The following EXOC2 variants were observed in gnomAD, a reference collection of about 807,000 sequenced individuals.
The protein encoded by EXOC2 is SEC5-like 1.
EXOC2 carries 70 observed loss-of-function variants against 131.8 expected under a neutral mutation model. The observed-to-expected ratio is 0.53, with a 90% confidence interval of 0.44 to 0.65. EXOC2 has a LOEUF of 0.65. Ranked by LOEUF, EXOC2 falls within the 30% of genes least tolerant of loss-of-function variation. The pLI is 0.00. For missense variants in EXOC2, 923 were observed against 1,108.6 expected (o/e 0.83, Z 2.38); for synonymous variants, 411 against 398.4 (o/e 1.03, Z -0.38).
chr6:683,277 ATC>A (rs1380626621), intron 1 of EXOC2, among the ~76,000 whole-genome samples: 1 of 152,270 alleles, frequency 6.6e-6, no homozygotes, highest in African/African-American at 2.4e-5. Context: ...CCCAAGTGAT[ATC>A]AAGAGTCTAC....
intron 26 of EXOC2, 26 bp from the exon 27 acceptor site, chr6:489,064 G>GT: frequency 6.2e-7 from 1 of 1,612,968 alleles, no homozygotes; most frequent in Non-Finnish European, 8.5e-7. Context: ...CCACACTGAA[G>GT]TTGAAGCCTT....
chr6:491,834 A>G (rs1288744135), intron 25 of EXOC2, among the ~76,000 whole-genome samples: 1 of 152,248 alleles, frequency 6.6e-6, no homozygotes, highest in African/African-American at 2.4e-5. Context: ...CCAAAGCTAA[A>G]ATATATTTAA....
chr6:504,055 C>T (rs142901292), intron 23 of EXOC2, among the ~76,000 whole-genome samples: 87 of 152,328 alleles, frequency 5.7e-4, no homozygotes, highest in African/African-American at 8.4e-4. Flanking sequence ...TGGGGTGGCC[C>T]GGCTCGCTGG....
intron 16 of EXOC2, among the ~76,000 whole-genome samples, chr6:563,104 A>C (rs1357504400): frequency 6.6e-6 from 1 of 152,240 alleles, no homozygotes; most frequent in Non-Finnish European, 1.5e-5. Context: ...CGTTGGATTT[A>C]ATGACAACTT....
Position 576,797 on chromosome 6 carries a change from G to A in EXOC2, c.1278C>T (p.Ser426=), listed in dbSNP as rs1246303673. The A allele has an allele frequency of 1.2e-6, 2 of 1,613,950 alleles. No homozygotes were observed. The highest frequency in any genetic ancestry group is 1.7e-5 in the Admixed American group (1 of 59,998). The change falls in exon 12 of 28, where the codon TCC becomes TCT. Residue 426 remains serine, a synonymous_variant. Transcript: ENST00000230449. ...SVLGHLSQTA[S]LKRGSSFQSG... ...ACTGAAAGCTGCTGCCCCTCTTCAG[G>A]GACGCTGTCTGACTGAGATGGCCCA... is the stretch of plus-strand genomic sequence containing the variant.
intron 1 of EXOC2, among the ~76,000 whole-genome samples, chr6:651,953 G>T (rs1184535257): frequency 6.6e-6 from 1 of 151,112 alleles, no homozygotes; most frequent in African/African-American, 2.4e-5. Context: ...CTACTCAGGA[G>T]ACTGAGGCAG....
chr6:563,890 G>T, intron 16 of EXOC2, 143 bp downstream of exon 16: 1 of 1,190,292 alleles, frequency 8.4e-7, no homozygotes. Context: ...CACTTATTGA[G>T]CAGCTAGAAA....
chr6:607,371 A>G (rs1295516038), intron 7 of EXOC2, among the ~76,000 whole-genome samples: 2 of 152,222 alleles, frequency 1.3e-5, no homozygotes. Flanking sequence ...TTTTTCATCA[A>G]TAAAGCGAAG....
chr6:597,378 C>T (rs1318856695), intron 10 of EXOC2, among the ~76,000 whole-genome samples: 2 of 151,974 alleles, frequency 1.3e-5, no homozygotes, highest in African/African-American at 4.8e-5. Flanking sequence ...GGTTTCACCA[C>T]ATTGGTCAGG....
Position 686,506 on chromosome 6 carries a change from C to T in EXOC2, c.-44+6513G>A, listed in dbSNP as rs138711288. 1.6e-3 allele frequency among the ~76,000 whole-genome samples: 248 copies of T among 152,070 alleles called. 1 individual carries two copies. The highest frequency in any genetic ancestry group is 5.6e-3 in the African/African-American group (233 of 41,458). On this transcript the variant is annotated intron_variant, in intron 1 of 27. Coordinates refer to ENST00000230449, the MANE Select transcript of EXOC2 (RefSeq NM_018303.6). ...GTTTGGAGGTGAGAGATTAAGGGGA[C>T]GAGAATGTGCATGAGATGACTAGGA...
chr6:606,021 T>C (rs1351834169), intron 7 of EXOC2, among the ~76,000 whole-genome samples: 1 of 152,156 alleles, frequency 6.6e-6, no homozygotes, highest in Non-Finnish European at 1.5e-5. Context: ...TTTGAGTGAG[T>C]TTCCATCAAT....
intron 1 of EXOC2, among the ~76,000 whole-genome samples, chr6:649,958 T>C (rs1762757856): frequency 6.6e-6 from 1 of 152,232 alleles, no homozygotes; most frequent in African/African-American, 2.4e-5. Flanking sequence ...AACTTGAGAC[T>C]TTGACTTTTT....
At chr6:541,431 A>C (rs1285214731) in intron 22 of EXOC2, among the ~76,000 whole-genome samples, 1 of 152,226 alleles carries the variant, frequency 6.6e-6, no homozygotes, top group Non-Finnish European at 1.5e-5. Flanking sequence ...AAATTACTGC[A>C]AGAGAAAGCA....
intron 10 of EXOC2, among the ~76,000 whole-genome samples, chr6:596,258 G>A (rs762012090): frequency 1.3e-4 from 19 of 151,648 alleles, no homozygotes; most frequent in Non-Finnish European, 1.9e-4. Context: ...CAATGACGAC[G>A]GCTCATACTC....
intron 1 of EXOC2, chr6:669,295 T>C (rs1380863294): frequency 6.6e-6 from 1 of 152,372 alleles, no homozygotes; most frequent in African/African-American, 2.4e-5. Context: ...CAGCCCTGAA[T>C]GTTGCGAGAG....
At chr6:660,764 A>G (rs1381773949) in intron 1 of EXOC2, among the ~76,000 whole-genome samples, 2 of 152,180 alleles carry the variant, frequency 1.3e-5, no homozygotes, top group Non-Finnish European at 2.9e-5. Flanking sequence ...CGAAAAAATC[A>G]CACTAGTTCA....
chr6:553,987 T>A, intron 20 of EXOC2, 67 bp from the exon 21 acceptor site: 1 of 1,232,398 alleles, frequency 8.1e-7, no homozygotes, highest in Non-Finnish European at 1.2e-6. Flanking sequence ...CAATGAACTA[T>A]ACGCAAATTT....
intron 23 of EXOC2, among the ~76,000 whole-genome samples, chr6:501,236 ATATATCTATATATATTATATATATC>A (rs1764103315): frequency 1.9e-4 from 2 of 10,342 alleles, no homozygotes; most frequent in Non-Finnish European, 3.6e-4. Context: ...TATATATTAT[ATATATCTATATATATTATATATATC>A]TATATATTAT....
chr6:500,122 T>C (rs1202275989), intron 23 of EXOC2, among the ~76,000 whole-genome samples: 2 of 152,178 alleles, frequency 1.3e-5, no homozygotes, highest in Non-Finnish European at 2.9e-5. Flanking sequence ...ACACTCAGTA[T>C]AAGCAGTAAC....
Sources: gnomAD v4.1 joint callset for allele counts (sites outside exome capture counted in the v4.1 genomes callset) on GRCh38, gnomAD v4.1.1 for gene constraint, MANE v1.5 for transcripts, NCBI Gene and HGNC (gene_info 2026-07-23, HGNC 2026-07-21) for gene names.